ZNF141: variants seen among roughly 807,000 people sequenced by gnomAD.
ZNF141 encodes the protein zinc finger protein 141.
In ZNF141, 7 loss-of-function variants were observed where a neutral mutation model predicts 11.3. That is an observed-to-expected ratio of 0.62 (90% confidence interval 0.35 to 1.16). ZNF141 has a LOEUF of 1.16. Among genes scored for constraint, ZNF141 ranks in the 50% most tolerant of loss-of-function variants. The probability of loss-of-function intolerance (pLI) is 0.02; values close to 1 mark genes in which losing one functional copy is unlikely to be tolerated. For missense variants in ZNF141, 535 were observed against 554.0 expected (o/e 0.97, Z 0.34); for synonymous variants, 183 against 190.7 (o/e 0.96, Z 0.33).
In ZNF141 at chr4:376,622, T is replaced by C. The variant is rs1712377838; in HGVS notation, c.*2760T>C. On this transcript the variant is annotated 3_prime_UTR_variant, in exon 4 of 4. Transcript: ENST00000240499. ...TTTTCCTGCAAACTTATACAAACTT[T>C]AGTTCCATTTACATGAAGTTAAGTA... 6.6e-6 allele frequency among the ~76,000 whole-genome samples: 1 copy of C among 152,078 alleles called. No homozygotes were observed. Among genetic ancestry groups the C allele is most frequent in the African/African-American group, 2.4e-5 (1 of 41,418 alleles).
intron 3 of ZNF141, among the ~76,000 whole-genome samples, chr4:348,592 G>A (rs1467068246): frequency 6.6e-6 from 1 of 152,026 alleles, no homozygotes; most frequent in African/African-American, 2.4e-5. Flanking sequence ...GTGGGCGCTT[G>A]TAATCCCAGC....
intron 1 of ZNF141, among the ~76,000 whole-genome samples, chr4:343,414 C>A (rs1553848821): frequency 6.6e-6 from 1 of 152,160 alleles, no homozygotes; most frequent in African/African-American, 2.4e-5. Flanking sequence ...CTCATTTCAC[C>A]TGTAGTCAAA....
chr4:355,204 T>G (rs781992318), intron 3 of ZNF141, among the ~76,000 whole-genome samples: 10 of 151,974 alleles, frequency 6.6e-5, no homozygotes, highest in Non-Finnish European at 1.0e-4. Context: ...TATTTATTTA[T>G]TTTTTGAGAC....
intron 3 of ZNF141, among the ~76,000 whole-genome samples, chr4:350,913 G>A (rs913049655): frequency 3.4e-5 from 5 of 147,140 alleles, no homozygotes; most frequent in Admixed American, 6.7e-5. Flanking sequence ...CTAATTTTTT[G>A]TACTTTTTTT....
In ZNF141 at chr4:372,857, C is replaced by G. The variant is rs782689379; in HGVS notation, c.420C>G (p.Thr140=). 2 of 1,612,626 alleles carry G rather than the reference C, an allele frequency of 1.2e-6. No individual in the cohort carries two copies. The highest frequency in any genetic ancestry group is 1.7e-6 in the Non-Finnish European group (2 of 1,179,004). The change falls in exon 4 of 4, where the codon ACC becomes ACG. Residue 140 remains threonine (T), a synonymous_variant. Transcript: ENST00000240499. ...AATTTAATGAATGCTTGTCAACTACCCAGAGCAAAATACTTCAGTGTAAAG... is the reference window on the plus strand; with the variant it reads ...AATTTAATGAATGCTTGTCAACTACGCAGAGCAAAATACTTCAGTGTAAAG... ...YNEFNECLST[T]QSKILQCKAS... is the part of the protein sequence containing the mutation.
chr4:350,228 T>G lies in ZNF141; in HGVS notation c.226+5798T>G, dbSNP rs971004831. Reference sequence around the variant, plus strand: ...TGTCTATGGGCTCTTGAGTTGGCCATCTGAGTGAGGGCCTGCTTATTCTAA... The same window carrying G: ...TGTCTATGGGCTCTTGAGTTGGCCAGCTGAGTGAGGGCCTGCTTATTCTAA... On this transcript the variant is annotated intron_variant, in intron 3 of 3. Transcript: ENST00000240499. The G allele has an allele frequency of 5.6e-6, 3 of 534,662 alleles. No individual in the cohort carries two copies. In the Admixed American group the frequency reaches 5.8e-5, roughly 10 times the overall value. 33.1% of individuals were successfully genotyped at this position (534,662 alleles called of 1,614,324 possible).
At chr4:353,373 TAA>T (rs368418265) in intron 3 of ZNF141, among the ~76,000 whole-genome samples, 6 of 139,634 alleles carry the variant, frequency 4.3e-5, no homozygotes, top group Non-Finnish European at 3.1e-5. Flanking sequence ...AGACCCTGTC[TAA>T]AAAAAAAAAA....
At position 381,566 on chromosome 4, in the gene ZNF141, C is replaced by A. The variant is rs1002226801; in HGVS notation, c.*7704C>A. 6.6e-6 allele frequency among the ~76,000 whole-genome samples: 1 copy of A among 151,882 alleles called. No homozygotes were observed. The highest frequency in any genetic ancestry group is 6.6e-5 in the Admixed American group (1 of 15,222). ...TGGGACTAACAGGTGCGCCCCACCA[C>A]GCCTGAAAAATTTTTGTATTTTTAG... On this transcript the variant is annotated 3_prime_UTR_variant, in exon 4 of 4. Transcript: ENST00000240499.
intron 3 of ZNF141, among the ~76,000 whole-genome samples, chr4:366,239 T>A (rs1321859591): frequency 6.6e-6 from 1 of 152,218 alleles, no homozygotes; most frequent in Non-Finnish European, 1.5e-5. Flanking sequence ...GCCACTTTCG[T>A]AATGTTTTTT....
In ZNF141 at chr4:343,805, G is replaced by A. The variant is rs1553848943; in HGVS notation, c.27G>A (p.Val9=). ...AGGAACTCTTAACATTCAGGGATGTGGCCATAGAATTCTCTCCAGAAGAGT... is the reference window on the plus strand; with the variant it reads ...AGGAACTCTTAACATTCAGGGATGTAGCCATAGAATTCTCTCCAGAAGAGT... MELLTFRD[V]AIEFSPEEWK... Residue 9 remains valine (V), a synonymous_variant, in exon 2 of 4, where the codon GTG becomes GTA. Transcript: ENST00000240499. The A allele has an allele frequency of 2.5e-6, 4 of 1,599,116 alleles. No homozygotes were observed. Among genetic ancestry groups the A allele is most frequent in the East Asian group, 2.2e-5 (1 of 44,556 alleles).
chr4:349,715 C>A (rs1182474098), intron 3 of ZNF141, among the ~76,000 whole-genome samples: 2 of 152,146 alleles, frequency 1.3e-5, no homozygotes, highest in African/African-American at 4.8e-5. Context: ...GCTGCTGGGT[C>A]TGCTGTGGGG....
In ZNF141 at chr4:373,373, A is replaced by G. The variant is rs782438951; in HGVS notation, c.936A>G (p.Lys312=). 6.8e-6 allele frequency: 11 copies of G among 1,613,390 alleles called. No homozygotes were observed. The East Asian group carries it at 2.2e-4, about 33-fold the overall frequency. Residue 312 remains lysine, a synonymous_variant, in exon 4 of 4, where the codon AAA becomes AAG. Coordinates refer to ENST00000240499, the MANE Select transcript of ZNF141 (RefSeq NM_003441.4). The part of the protein sequence containing the change: ...KRIHTGEKPY[K]CEECGKAFNR... ...TTCATACTGGAGAGAAACCCTACAA[A>G]TGTGAAGAATGTGGCAAAGCCTTTA...
intron 3 of ZNF141, among the ~76,000 whole-genome samples, chr4:350,971 G>T (rs1288403374): frequency 6.6e-6 from 1 of 150,994 alleles, no homozygotes; most frequent in African/African-American, 2.4e-5. Flanking sequence ...GGATGGTTTG[G>T]ATCTCCTGAC....
rs1422846225 is a variant in ZNF141 at position 337,950 on chromosome 4, AG to A, written c.-33del. 1.2e-6 allele frequency: 2 copies of A among 1,612,350 alleles called. No homozygotes were observed. Among genetic ancestry groups the A allele is most frequent in the East Asian group, 4.5e-5 (2 of 44,802 alleles). ...GACCTGCGGGTATTGGATGATTGGT[AG>A]CTAAGACTCCCGAATACTTCAGAAG... On this transcript the variant is annotated 5_prime_UTR_variant, in exon 1 of 4. An upstream open reading frame in the 5' UTR loses its in-frame stop. Transcript: ENST00000240499.
intron 3 of ZNF141, chr4:358,526 C>CA (rs1239944923): frequency 1.4e-4 from 23 of 163,310 alleles, no homozygotes; most frequent in Middle Eastern, 2.9e-3. Flanking sequence ...TGCATTGTTG[C>CA]AAAAAAAAAT....
At chr4:370,399 A>G (rs144875637) in intron 3 of ZNF141, among the ~76,000 whole-genome samples, 342 of 151,724 alleles carry the variant, frequency 2.3e-3, no homozygotes, top group Non-Finnish European at 3.3e-3. Flanking sequence ...ATTTTTTTTT[A>G]TAAGGCAGGT....
rs1553855840 is a variant in ZNF141, at chr4:382,463, CATAA to C, written c.*8605_*8608del. On this transcript the variant is annotated 3_prime_UTR_variant, in exon 4 of 4. Transcript: ENST00000240499. Reference sequence around the variant, plus strand: ...ATTTGACTTTGTCTATATTAAAAATCATAAATAGTCAACAAATGCAAAAAATGCA... The same window carrying C: ...ATTTGACTTTGTCTATATTAAAAATCATAGTCAACAAATGCAAAAAATGCA... Among the ~76,000 whole-genome samples, 3 of 152,108 alleles carry C rather than the reference CATAA, an allele frequency of 2.0e-5. No individual in the cohort carries two copies. Among genetic ancestry groups the C allele is most frequent in the Non-Finnish European group, 2.9e-5 (2 of 68,018 alleles).
intron 3 of ZNF141, among the ~76,000 whole-genome samples, chr4:370,797 C>G (rs1712017296): frequency 6.6e-6 from 1 of 152,118 alleles, no homozygotes; most frequent in East Asian, 1.9e-4. Context: ...GTGGCACAAT[C>G]TTGGCTCACT....
At chr4:338,262 G>A (rs1720886505) in intron 1 of ZNF141, 1 of 419,944 alleles carries the variant, frequency 2.4e-6, no homozygotes, top group South Asian at 2.3e-5. Flanking sequence ...CGCCCGCGCG[G>A]CGTGCGCGAT....
Sources: allele counts gnomAD v4.1 joint callset (sites outside exome capture counted in the v4.1 genomes callset), GRCh38; gene constraint gnomAD v4.1.1; transcripts MANE v1.5; gene names NCBI Gene and HGNC (gene_info 2026-07-23, HGNC 2026-07-21).